Variants in TRAF3 observed in about 807,000 individuals in gnomAD.
TRAF3 encodes the protein TNF receptor associated factor 3.
Under a neutral mutation model 62.3 loss-of-function variants are expected in TRAF3, and 13 were observed. The ratio of observed to expected loss-of-function variants is 0.21; its 90% confidence interval spans 0.14 to 0.33. The LOEUF is 0.33. TRAF3 is among the 10% of genes least tolerant of loss of function. TRAF3 has a pLI of 1.00. For synonymous variants in TRAF3, 269 were observed against 283.4 expected (o/e 0.95, Z 0.51); for missense variants, 440 against 741.8 (o/e 0.59, Z 4.73).
intron 7 of TRAF3, among the ~76,000 whole-genome samples, chr14:102,889,057 G>A (rs113758912): frequency 3.6e-3 from 550 of 152,318 alleles, no homozygotes; most frequent in Admixed American, 6.7e-3. Context: ...CTTTTCAGAT[G>A]AAGGAAAAAC....
At chr14:102,852,423 G>C (rs923644258) in intron 2 of TRAF3, among the ~76,000 whole-genome samples, 2 of 152,226 alleles carry the variant, frequency 1.3e-5, no homozygotes, top group African/African-American at 2.4e-5. Flanking sequence ...ACCGACTCCA[G>C]TGCGGCCTGC....
intron 1 of TRAF3, among the ~76,000 whole-genome samples, chr14:102,794,744 T>C (rs1041733150): frequency 6.6e-6 from 1 of 152,226 alleles, no homozygotes; most frequent in Non-Finnish European, 1.5e-5. Flanking sequence ...CCAACTGTTG[T>C]GTGTTACTCA....
intron 2 of TRAF3, among the ~76,000 whole-genome samples, chr14:102,838,284 A>G (rs528794733): frequency 1.3e-5 from 2 of 152,366 alleles, no homozygotes; most frequent in South Asian, 2.1e-4. Context: ...AACAAGACAC[A>G]TTGCTGTCTT....
chr14:102,864,962 T>C (rs1053288009), intron 2 of TRAF3, among the ~76,000 whole-genome samples: 1 of 152,216 alleles, frequency 6.6e-6, no homozygotes, highest in Non-Finnish European at 1.5e-5. Flanking sequence ...CAGTGTTGGT[T>C]TTCCTAAATC....
rs567944989 is a variant in TRAF3 at position 102,832,559 on chromosome 14, A to G, written c.-18+2087A>G. Among the ~76,000 whole-genome samples, 13 of 152,288 alleles carry G rather than the reference A, an allele frequency of 8.5e-5. No homozygotes were observed. In the South Asian group the frequency reaches 2.5e-3, roughly 29 times the overall value. ...CATGGTGGCAGGCACCTGTAATCCC[A>G]GCTACTTGGGAGGCTGAGGCAGAAT... On this transcript the variant is annotated intron_variant, in intron 2 of 11. Coordinates refer to ENST00000392745, the MANE Select transcript of TRAF3 (RefSeq NM_145725.3).
chr14:102,885,957 G>A (rs185410523), intron 6 of TRAF3, among the ~76,000 whole-genome samples: 1 of 152,302 alleles, frequency 6.6e-6, no homozygotes, highest in East Asian at 1.9e-4. Context: ...CTGTTCTGAG[G>A]CAAGCCGCCC....
chr14:102,812,340 C>A lies in TRAF3; in HGVS notation c.-156-17994C>A, dbSNP rs1899239373. Among the ~76,000 whole-genome samples, 3 of 152,134 alleles carry A rather than the reference C, an allele frequency of 2.0e-5. No individual in the cohort carries two copies. The South Asian group carries it at 6.2e-4, about 32-fold the overall frequency. ...TTGCTGTGAACGACAGGATTTCATT[C>A]ATTTTTATGGCTAAATAGTAGTCCA... On this transcript the variant is annotated intron_variant, in intron 1 of 11. Transcript: ENST00000392745.
chr14:102,778,653 C>G lies in TRAF3; in HGVS notation c.-157+978C>G, dbSNP rs138418721. Among the ~76,000 whole-genome samples the G allele has an allele frequency of 6.0e-3, 910 of 152,120 alleles. 10 individuals are homozygous for G. The highest frequency in any genetic ancestry group is 0.021 in the African/African-American group (861 of 41,480). On this transcript the variant is annotated intron_variant, in intron 1 of 11. Coordinates refer to ENST00000392745, the MANE Select transcript of TRAF3 (RefSeq NM_145725.3). ...TTTTGTGGCGTCAGAAAGGTTATGT[C>G]GAGCGTTGTAGCGGCTTCTTAATTT...
At chr14:102,841,050 C>T (rs759031375) in intron 2 of TRAF3, among the ~76,000 whole-genome samples, 25 of 152,150 alleles carry the variant, frequency 1.6e-4, no homozygotes, top group Admixed American at 1.3e-4. Flanking sequence ...AGTGAATGGA[C>T]GTGGACGCAT....
intron 7 of TRAF3, among the ~76,000 whole-genome samples, chr14:102,888,369 C>T (rs1314931605): frequency 2.6e-5 from 4 of 152,178 alleles, no homozygotes; most frequent in Non-Finnish European, 5.9e-5. Flanking sequence ...TGAGACCTTC[C>T]TTGAAGGTTG....
intron 1 of TRAF3, among the ~76,000 whole-genome samples, chr14:102,799,382 G>A (rs1191347654): frequency 6.6e-6 from 1 of 152,188 alleles, no homozygotes; most frequent in Non-Finnish European, 1.5e-5. Flanking sequence ...ATTCCATTCA[G>A]TTCATGAATT....
chr14:102,885,242 C>G (rs914759705), intron 6 of TRAF3, among the ~76,000 whole-genome samples: 1 of 152,208 alleles, frequency 6.6e-6, no homozygotes, highest in African/African-American at 2.4e-5. Flanking sequence ...GCCCTCAGAC[C>G]CGCCAGTCAG....
At chr14:102,838,441 C>T (rs181275363) in intron 2 of TRAF3, among the ~76,000 whole-genome samples, 6 of 152,154 alleles carry the variant, frequency 3.9e-5, no homozygotes, top group African/African-American at 1.2e-4. Context: ...AAAAGATGCT[C>T]GCAGTTTAAT....
chr14:102,897,105 C>A (rs1273180133), intron 9 of TRAF3, among the ~76,000 whole-genome samples, 156 bp from the exon 10 acceptor site: 1 of 152,000 alleles, frequency 6.6e-6, no homozygotes, highest in Non-Finnish European at 1.5e-5. Flanking sequence ...AAGAAAAGTA[C>A]CAGGACTGTC....
chr14:102,818,376 G>C (rs899301263), intron 1 of TRAF3, among the ~76,000 whole-genome samples: 1 of 152,164 alleles, frequency 6.6e-6, no homozygotes, highest in African/African-American at 2.4e-5. Flanking sequence ...TTAGTAGAAA[G>C]CTCTGTGAAG....
intron 1 of TRAF3, among the ~76,000 whole-genome samples, chr14:102,797,379 C>T (rs1477412831): frequency 2.0e-5 from 3 of 152,118 alleles, no homozygotes; most frequent in Admixed American, 6.5e-5. Flanking sequence ...TGCTCTTTTA[C>T]GTGTAACACT....
At chr14:102,805,716 A>T (rs983212930) in intron 1 of TRAF3, among the ~76,000 whole-genome samples, 1 of 152,228 alleles carries the variant, frequency 6.6e-6, no homozygotes, top group Non-Finnish European at 1.5e-5. Context: ...GAGGTTAGTC[A>T]TGCATTCCCT....
At chr14:102,836,488 GTGTA>G (rs1440678941) in intron 2 of TRAF3, among the ~76,000 whole-genome samples, 1 of 152,182 alleles carries the variant, frequency 6.6e-6, no homozygotes, top group African/African-American at 2.4e-5. Flanking sequence ...TGAATCATTA[GTGTA>G]TTAGGTAAAA....
chr14:102,794,886 A>C (rs1897986093), intron 1 of TRAF3, among the ~76,000 whole-genome samples: 1 of 152,166 alleles, frequency 6.6e-6, no homozygotes, highest in African/African-American at 2.4e-5. Context: ...TGTGTTTGTC[A>C]AGTTTTTCAA....
Sources: allele counts gnomAD v4.1 joint callset (sites outside exome capture counted in the v4.1 genomes callset), GRCh38; gene constraint gnomAD v4.1.1; transcripts MANE v1.5; gene names NCBI Gene and HGNC (gene_info 2026-07-23, HGNC 2026-07-21).